Variants in UVSSA observed in about 807,000 individuals in gnomAD.
UVSSA encodes the protein UV stimulated scaffold protein A, also known as UV-stimulated scaffold protein A.
A neutral mutation model predicts 73.9 loss-of-function variants in UVSSA; 72 were observed. The observed-to-expected ratio is 0.97, with a 90% CI of 0.81 to 1.19. UVSSA has a LOEUF of 1.19. Ranked by LOEUF, UVSSA falls within the 50% of genes most tolerant of loss-of-function variation. The pLI is 0.00. For missense variants in UVSSA, 1,150 were observed against 965.0 expected, an observed-to-expected ratio of 1.19 and a Z score of -2.54; for synonymous variants, 454 against 391.3, an observed-to-expected ratio of 1.16 and a Z score of -1.89.
intron 8 of UVSSA, among the ~76,000 whole-genome samples, chr4:1,373,285 C>G (rs1181073850): frequency 6.6e-6 from 1 of 152,200 alleles, no homozygotes; most frequent in Non-Finnish European, 1.5e-5. Context: ...AACTGAAGAA[C>G]TTGGAGTCTG....
exon 14 of UVSSA, chr4:1,395,439 C>T (rs768692977): frequency 6.3e-7 from 1 of 1,579,958 alleles, no homozygotes; most frequent in Non-Finnish European, 8.6e-7. Flanking sequence ...ACGTGGAGTG[C>T]CCGCCTGCTC....
Position 1,380,245 on chromosome 4 carries a change from C to G in UVSSA, c.1752+15C>G. 4.4e-6 allele frequency: 7 copies of G among 1,600,840 alleles called. No homozygotes were observed. Among genetic ancestry groups the G allele is most frequent in the Non-Finnish European group, 6.0e-6 (7 of 1,172,374 alleles). ...ACCGGCTGAAGGTGAGGCCGTGGCC[C>G]GAGGGCGGGGGTGGGTGTGGGCTGG... On this transcript the variant is annotated intron_variant, in intron 11 of 13. Coordinates refer to ENST00000389851, the MANE Select transcript of UVSSA (RefSeq NM_020894.4).
chr4:1,349,848 C>G lies in UVSSA; in HGVS notation c.423C>G (p.Asn141Lys). Residue 141 changes from asparagine to lysine, a missense_variant, in exon 3 of 14, where the codon AAC becomes AAG. Physicochemically the swap from Asn to Lys is moderately conservative, Grantham distance 94 (BLOSUM62 0). Transcript: ENST00000389851. ...LALGYHFLRH[N>K]KKVDFQDTNA... The stretch of plus-strand genomic sequence containing the variant: ...TGGGCTACCACTTCTTAAGACACAA[C>G]AAAAAGGTAGGTGGGCCTGGCCCAT... 1 of 1,543,228 alleles carries G rather than the reference C, an allele frequency of 6.5e-7. No homozygotes were observed. Among genetic ancestry groups the G allele is most frequent in the Non-Finnish European group, 8.7e-7 (1 of 1,145,516 alleles).
exon 14 of UVSSA, chr4:1,394,311 TA>T: frequency 1.0e-6 from 1 of 990,550 alleles, no homozygotes; most frequent in Non-Finnish European, 1.4e-6. Flanking sequence ...TCTTGGCTTC[TA>T]AGTTTTGTGT....
chr4:1,374,277 C>T (rs1245957746), intron 8 of UVSSA, among the ~76,000 whole-genome samples: 2 of 152,210 alleles, frequency 1.3e-5, no homozygotes, highest in Non-Finnish European at 2.9e-5. Flanking sequence ...GCCCTTTGTC[C>T]TAACCCATAG....
intron 8 of UVSSA, among the ~76,000 whole-genome samples, chr4:1,372,964 A>G (rs1051524455): frequency 6.6e-6 from 1 of 150,984 alleles, no homozygotes; most frequent in Non-Finnish European, 1.5e-5. Flanking sequence ...CTTTGTGACT[A>G]CTGGCTCTGA....
At chr4:1,349,961 C>A in intron 3 of UVSSA, 107 bp downstream of exon 3, 1 of 1,103,118 alleles carries the variant, frequency 9.1e-7, no homozygotes, top group Non-Finnish European at 1.2e-6. Flanking sequence ...ACAGCAGGGG[C>A]CTGCTTGGCC....
downstream of UVSSA, chr4:1,388,155 A>G (rs1720282150): frequency 6.6e-6 from 1 of 152,120 alleles, no homozygotes; most frequent in Non-Finnish European, 1.5e-5. Context: ...AAATTTACTC[A>G]TATTTTATTA....
At chr4:1,394,347 T>G (rs1720470835) in exon 14 of UVSSA, 1 of 1,249,590 alleles carries the variant, frequency 8.0e-7, no homozygotes. Context: ...TCTTCCCCCT[T>G]AAAGATTATA....
chr4:1,342,042 T>C (rs577967697), upstream of UVSSA, among the ~76,000 whole-genome samples: 1 of 152,344 alleles, frequency 6.6e-6, no homozygotes, highest in East Asian at 1.9e-4. Flanking sequence ...TTTGGGGCTA[T>C]AATAAGTAAA....
At chr4:1,385,592 A>G (rs1346386094) in intron 13 of UVSSA, 1 of 487,332 alleles carries the variant, frequency 2.1e-6, no homozygotes, top group Admixed American at 3.4e-5. Context: ...AGAAGTGCCA[A>G]GGTGGGGCTG....
At position 1,376,199 on chromosome 4, in the gene UVSSA, G is replaced by A. The variant is rs1247397624; in HGVS notation, c.1568+31G>A. 3 of 1,588,930 alleles carry A rather than the reference G, an allele frequency of 1.9e-6. No individual in the cohort carries two copies. The African/African-American group carries it at 4.0e-5, about 21-fold the overall frequency. On this transcript the variant is annotated intron_variant, in intron 10 of 13. Transcript: ENST00000389851. Reference sequence around the variant, plus strand: ...TCCCCATGTGTCTGAAGTCGGCCAGGGCACACAACCAGGGTCCCAGCCTGA... The same window carrying A: ...TCCCCATGTGTCTGAAGTCGGCCAGAGCACACAACCAGGGTCCCAGCCTGA...
At position 1,385,715 on chromosome 4, in the gene UVSSA, C is replaced by G. The variant is rs533899487; in HGVS notation, c.2037-153C>G. ...CAGGGCCAAGGGGCCCGTCGCCCAT[C>G]TGTCTCTGAAGGTGGCACCCACAGG... On this transcript the variant is annotated intron_variant, in intron 13 of 13. Transcript: ENST00000389851. The G allele has an allele frequency of 1.3e-4, 96 of 739,552 alleles. 1 individual carries two copies. Among genetic ancestry groups the G allele is most frequent in the African/African-American group, 1.2e-3 (71 of 57,336 alleles). 45.8% of individuals were successfully genotyped at this position (739,552 alleles called of 1,614,324 possible). A position where few individuals can be genotyped will look rare whatever the true frequency, so the allele number is the denominator to read the frequency against.
At chr4:1,376,242 C>T in intron 10 of UVSSA, 74 bp downstream of exon 10, 2 of 1,494,422 alleles carry the variant, frequency 1.3e-6, no homozygotes, top group South Asian at 1.3e-5. Context: ...GCTGCCGGCT[C>T]ACCAGGCCTC....
At chr4:1,349,995 G>C in intron 3 of UVSSA, 141 bp downstream of exon 3, 1 of 788,578 alleles carries the variant, frequency 1.3e-6, no homozygotes, top group Non-Finnish European at 1.9e-6. Flanking sequence ...CAGGCTGCCA[G>C]ACCATCTGTG....
At position 1,380,898 on chromosome 4, in the gene UVSSA, A is replaced by G. The variant is rs746593674; in HGVS notation, c.1771A>G (p.Ile591Val). The change falls in exon 12 of 14, where the codon ATT becomes GTT. Residue 591 changes from isoleucine to valine, a missense_variant. Coordinates refer to ENST00000389851, the MANE Select transcript of UVSSA (RefSeq NM_020894.4). ...DRLKCPFHGKIVPRDDEGRPL... is the reference protein window; with the variant it reads ...DRLKCPFHGKVVPRDDEGRPL... The stretch of plus-strand genomic sequence containing the variant: ...TGTGCAGTGCCCTTTCCATGGGAAG[A>G]TTGTTCCACGGGACGACGAAGGACG... The G allele has an allele frequency of 1.1e-5, 18 of 1,612,848 alleles. No homozygotes were observed. Among genetic ancestry groups the G allele is most frequent in the Admixed American group, 3.3e-5 (2 of 59,984 alleles).
At chr4:1,369,851 A>G (rs1180413367) in intron 8 of UVSSA, among the ~76,000 whole-genome samples, 1 of 152,238 alleles carries the variant, frequency 6.6e-6, no homozygotes, top group Non-Finnish European at 1.5e-5. Context: ...GTGGGAGTGA[A>G]TTTGAGCCAA....
At chr4:1,353,917 G>A (rs1411880647) in intron 5 of UVSSA, among the ~76,000 whole-genome samples, 2 of 152,218 alleles carry the variant, frequency 1.3e-5, no homozygotes, top group Non-Finnish European at 2.9e-5. Flanking sequence ...GCCTGGGTGG[G>A]TGAGGATTGC....
downstream of UVSSA, chr4:1,388,747 A>G (rs934852211): frequency 2.0e-4 from 30 of 152,220 alleles, no homozygotes; most frequent in African/African-American, 7.0e-4. Context: ...ATAGTGATAC[A>G]GTATATTACA....
Sources: allele counts gnomAD v4.1 joint callset (sites outside exome capture counted in the v4.1 genomes callset), GRCh38; gene constraint gnomAD v4.1.1; transcripts MANE v1.5; gene names NCBI Gene and HGNC (gene_info 2026-07-23, HGNC 2026-07-21).